The following TMEM181 variants were observed in gnomAD, a reference collection of about 807,000 sequenced individuals.
TMEM181 encodes transmembrane protein 181, also known as G protein-coupled receptor 178.
In TMEM181, 39 loss-of-function variants were observed where a neutral mutation model predicts 71.9. The observed-to-expected ratio is 0.54, with a 90% CI of 0.42 to 0.71. The LOEUF is 0.71. TMEM181 is among the 30% of genes least tolerant of loss of function. The probability of loss-of-function intolerance (pLI) is 0.00; values close to 1 mark genes in which losing one functional copy is unlikely to be tolerated. For synonymous variants in TMEM181, 245 were observed against 228.8 expected (o/e 1.07, Z -0.64); for missense variants, 595 against 583.0 (o/e 1.02, Z -0.21).
chr6:158,628,446 T>A lies in TMEM181; in HGVS notation c.1148T>A (p.Leu383Gln). ...TATTTGAGATTTGGGGCGCAAGTAC[T>A]ACAAGACAATTTTGTAGCAGAGCTG... ...ILYLRFGAQV[L>Q]QDNFVAELST... Residue 383 changes from leucine to glutamine, a missense_variant, in exon 14 of 17, where the codon CTA becomes CAA. Coordinates refer to ENST00000684151, the MANE Select transcript of TMEM181 (RefSeq NM_001376852.1). 1.9e-6 allele frequency: 3 copies of A among 1,614,224 alleles called. No individual in the cohort carries two copies. The South Asian group carries it at 3.3e-5, about 18-fold the overall frequency.
intron 10 of TMEM181, among the ~76,000 whole-genome samples, chr6:158,612,581 A>G (rs778426066): frequency 1.3e-5 from 2 of 152,166 alleles, no homozygotes; most frequent in Non-Finnish European, 2.9e-5. Context: ...TTGTTCCCAA[A>G]CCAATAATTC....
At chr6:158,610,858 T>C in intron 10 of TMEM181, 1 of 340,390 alleles carries the variant, frequency 2.9e-6, no homozygotes, top group Non-Finnish European at 5.7e-6. Context: ...AGGACTACTG[T>C]AAAAATGAGG....
At chr6:158,571,747 G>T (rs1364623937) in intron 1 of TMEM181, among the ~76,000 whole-genome samples, 1 of 152,266 alleles carries the variant, frequency 6.6e-6, no homozygotes, top group Non-Finnish European at 1.5e-5. Context: ...GTTGGTGTAG[G>T]TTGGAGCCTG....
intron 1 of TMEM181, among the ~76,000 whole-genome samples, chr6:158,560,614 C>A (rs1038746278): frequency 6.6e-6 from 1 of 152,140 alleles, no homozygotes; most frequent in African/African-American, 2.4e-5. Flanking sequence ...GCAGCCTCTC[C>A]TGCCGGAAAG....
chr6:158,557,468 C>A (rs931818644), upstream of TMEM181, among the ~76,000 whole-genome samples: 2 of 151,922 alleles, frequency 1.3e-5, no homozygotes, highest in Non-Finnish European at 2.9e-5. Flanking sequence ...ATAACATGAT[C>A]ATAGCACCTT....
At chr6:158,562,448 G>GTGTGTGTGTGTA (rs1562621266) in intron 1 of TMEM181, among the ~76,000 whole-genome samples, 1 of 136,592 alleles carries the variant, frequency 7.3e-6, no homozygotes, top group African/African-American at 2.7e-5. Flanking sequence ...GGCTGTTTTT[G>GTGTGTGTGTGTA]TGTGTGTGTG....
rs1429922490 is a variant in TMEM181 at position 158,608,681 on chromosome 6, T to C, written c.827T>C (p.Phe276Ser). ...RVQGERKCLT[F>S]YLPKFFIVGL... ...TAGGGAGAAAGAAAGTGTTTAACTT[T>C]CTATTTGCCTAAATTCTTCATTGTT... The change falls in exon 10 of 17, where the codon TTC becomes TCC. Residue 276 changes from phenylalanine (F) to serine (S), a missense_variant. By Grantham distance (155) the Phe-to-Ser change is radical (BLOSUM62 -2). Transcript: ENST00000684151. The C allele has an allele frequency of 6.2e-7, 1 of 1,611,198 alleles. No homozygotes were observed. Among genetic ancestry groups the C allele is most frequent in the Admixed American group, 1.7e-5 (1 of 59,266 alleles).
chr6:158,613,681 C>T (rs1446956688), intron 10 of TMEM181, among the ~76,000 whole-genome samples: 1 of 152,158 alleles, frequency 6.6e-6, no homozygotes, highest in Non-Finnish European at 1.5e-5. Context: ...CCAGTGAAAG[C>T]CTTGGCAGAA....
intron 10 of TMEM181, among the ~76,000 whole-genome samples, chr6:158,617,688 C>T (rs1322247909): frequency 6.6e-6 from 1 of 152,172 alleles, no homozygotes; most frequent in Non-Finnish European, 1.5e-5. Context: ...TCTTTGTTCT[C>T]ATTGGTTTCA....
At chr6:158,621,844 C>A (rs894122) in intron 10 of TMEM181, among the ~76,000 whole-genome samples, 70,687 of 152,132 alleles carry the variant, frequency 0.46, 16,632 homozygotes, top group East Asian at 0.66. Context: ...CTACAGAGCA[C>A]TTTGATTACT....
rs867910182 is a variant in TMEM181 at position 158,626,419 on chromosome 6, T to C, written c.1109+665T>C. 6.8e-5 allele frequency: 31 copies of C among 456,702 alleles called. No individual in the cohort carries two copies. In the Middle Eastern group the frequency reaches 8.8e-3, roughly 129 times the overall value. 28.3% of individuals were successfully genotyped at this position (456,702 alleles called of 1,614,324 possible). ...GAGGAGGAAAAAATCTAGCTGCTGC[T>C]TGCCTTTTTAGGTTGTTTGGATGGC... On this transcript the variant is annotated intron_variant, in intron 13 of 16. Coordinates refer to ENST00000684151, the MANE Select transcript of TMEM181 (RefSeq NM_001376852.1).
At chr6:158,623,712 C>T (rs1285562487) in intron 11 of TMEM181, 105 bp downstream of exon 11, 4 of 777,608 alleles carry the variant, frequency 5.1e-6, no homozygotes, top group African/African-American at 1.8e-5. Flanking sequence ...TGCTAACTGA[C>T]TACTTGGGAA....
At chr6:158,605,399 T>C in intron 7 of TMEM181, 52 bp downstream of exon 7, 1 of 1,550,960 alleles carries the variant, frequency 6.4e-7, no homozygotes, top group Non-Finnish European at 8.9e-7. Context: ...AGGAAGAAGC[T>C]GGTTTATGCA....
At chr6:158,568,969 C>T (rs1782660532) in intron 1 of TMEM181, among the ~76,000 whole-genome samples, 1 of 152,102 alleles carries the variant, frequency 6.6e-6, no homozygotes, top group South Asian at 2.1e-4. Context: ...TTTTTTGGCT[C>T]AAATCTTTTT....
chr6:158,627,484 A>G (rs1249850381), intron 13 of TMEM181, among the ~76,000 whole-genome samples: 5 of 152,194 alleles, frequency 3.3e-5, no homozygotes, highest in Non-Finnish European at 7.3e-5. Context: ...TGTGACTTGC[A>G]GAGGGGAAGG....
At chr6:158,588,511 G>A (rs1350865981) in intron 5 of TMEM181, among the ~76,000 whole-genome samples, 6 of 152,164 alleles carry the variant, frequency 3.9e-5, no homozygotes, top group African/African-American at 1.2e-4. Flanking sequence ...GTGCAATGGC[G>A]TGATCTTGGC....
At chr6:158,554,524 C>A (rs1781818551) in intron 1 of TMEM181, among the ~76,000 whole-genome samples, 1 of 152,202 alleles carries the variant, frequency 6.6e-6, no homozygotes, top group South Asian at 2.1e-4. Context: ...CTGGCCAATG[C>A]TGTTTCATTT....
At chr6:158,559,112 T>C (rs1026634138), upstream of TMEM181, among the ~76,000 whole-genome samples, 1 of 151,998 alleles carries the variant, frequency 6.6e-6, no homozygotes, top group Admixed American at 6.6e-5. Context: ...CTCCCCCTTT[T>C]AACCCCCCTC....
intron 13 of TMEM181, 80 bp from the exon 14 acceptor site, chr6:158,628,328 G>C: frequency 7.5e-7 from 1 of 1,330,048 alleles, no homozygotes; most frequent in Non-Finnish European, 1.1e-6. Flanking sequence ...AGCTTGAATG[G>C]GGTGAATAGA....
Sources: gnomAD v4.1 joint callset for allele counts (sites outside exome capture counted in the v4.1 genomes callset) on GRCh38, gnomAD v4.1.1 for gene constraint, MANE v1.5 for transcripts, NCBI Gene and HGNC (gene_info 2026-07-23, HGNC 2026-07-21) for gene names.